ABCG1: variants seen among roughly 807,000 people sequenced by gnomAD.
ABCG1 encodes ATP-binding cassette sub-family G member 1.
In ABCG1, 29 loss-of-function variants were observed where a neutral mutation model predicts 69.2. That is an observed-to-expected ratio of 0.42 (90% CI 0.31 to 0.57). ABCG1 has a LOEUF of 0.57. Ranked by LOEUF, ABCG1 falls within the 20% of genes least tolerant of loss-of-function variation. The probability of loss-of-function intolerance (pLI) is 0.15; values close to 1 mark genes in which losing one functional copy is unlikely to be tolerated. For synonymous variants in ABCG1, 370 were observed against 374.8 expected (o/e 0.99, Z 0.15); for missense variants, 718 against 898.1 (o/e 0.80, Z 2.56).
At chr21:42,228,159 T>C (rs1318120464) in intron 2 of ABCG1, among the ~76,000 whole-genome samples, 1 of 152,158 alleles carries the variant, frequency 6.6e-6, no homozygotes, top group Non-Finnish European at 1.5e-5. Context: ...CTGTCCATTC[T>C]TAGGAGCGCA....
chr21:42,280,467 C>G (rs1019953126), intron 5 of ABCG1, among the ~76,000 whole-genome samples: 1 of 152,240 alleles, frequency 6.6e-6, no homozygotes, highest in Non-Finnish European at 1.5e-5. Flanking sequence ...CTGGAGCGCC[C>G]GCCGGGAAGC....
intron 5 of ABCG1, among the ~76,000 whole-genome samples, chr21:42,280,801 G>A (rs2068794533): frequency 6.6e-6 from 1 of 152,250 alleles, no homozygotes; most frequent in South Asian, 2.1e-4. Context: ...AGTCGGCCAA[G>A]AGCGTCGCCC....
intron 2 of ABCG1, among the ~76,000 whole-genome samples, chr21:42,270,125 T>C (rs983543594): frequency 2.6e-5 from 4 of 152,090 alleles, no homozygotes; most frequent in African/African-American, 9.7e-5. Flanking sequence ...CCAGGCATGG[T>C]GGCAGGCGCC....
At chr21:42,211,226 G>A (rs1191899192), upstream of ABCG1, among the ~76,000 whole-genome samples, 2 of 152,122 alleles carry the variant, frequency 1.3e-5, no homozygotes, top group Admixed American at 1.3e-4. Flanking sequence ...CCAAAGTGCT[G>A]GCATTACAGG....
chr21:42,290,967 A>C, intron 11 of ABCG1, 125 bp from the exon 12 acceptor site: 1 of 671,404 alleles, frequency 1.5e-6, no homozygotes, highest in Non-Finnish European at 2.6e-6. Flanking sequence ...TGTTTGTTCA[A>C]TCTCTCAGTG....
In ABCG1 at chr21:42,260,127, C is replaced by T. The variant is rs979560901; in HGVS notation, c.287-10943C>T. ...CTATGGTTGGGGGTTTCCTGGCGAT[C>T]CCATGGAGGAAGGTGAGGATGAGTT... On this transcript the variant is annotated intron_variant, in intron 2 of 14. Coordinates refer to ENST00000398449, the MANE Select transcript of ABCG1 (RefSeq NM_016818.3). The T allele has an allele frequency of 2.0e-5, 31 of 1,550,394 alleles. No individual in the cohort carries two copies. The African/African-American group carries it at 4.0e-4, about 20-fold the overall frequency.
At chr21:42,228,409 C>T (rs2067851518) in intron 2 of ABCG1, among the ~76,000 whole-genome samples, 1 of 152,184 alleles carries the variant, frequency 6.6e-6, no homozygotes, top group African/African-American at 2.4e-5. Flanking sequence ...ACAGCAGCAC[C>T]TGCGTCTGTC....
chr21:42,227,952 T>C (rs2067843448), intron 2 of ABCG1, among the ~76,000 whole-genome samples: 1 of 152,112 alleles, frequency 6.6e-6, no homozygotes, highest in Non-Finnish European at 1.5e-5. Context: ...CAGGATCCAA[T>C]CACACCTCTC....
intron 2 of ABCG1, among the ~76,000 whole-genome samples, chr21:42,252,567 G>T (rs2068239814): frequency 6.6e-6 from 1 of 152,032 alleles, no homozygotes; most frequent in African/African-American, 2.4e-5. Flanking sequence ...TGCTTTGGAT[G>T]GTCTCTGGTT....
chr21:42,219,903 G>C lies in ABCG1; in HGVS notation c.42+599G>C. 1 of 1,548,046 alleles carries C rather than the reference G, an allele frequency of 6.5e-7. No individual in the cohort carries two copies. Among genetic ancestry groups the C allele is most frequent in the Non-Finnish European group, 8.7e-7 (1 of 1,146,170 alleles). ...GCGAAGGCCCGGGGAGACCCGCGAG[G>C]GGCAAGCCCGGATTCCTGCCGGCCG... On this transcript the variant is annotated intron_variant, in intron 1 of 14. Transcript: ENST00000398449. The surrounding 1 kb of genome is among the most constrained non-coding windows in gnomAD (Gnocchi z 5.3).
upstream of ABCG1, among the ~76,000 whole-genome samples, chr21:42,217,060 A>G (rs1431595795): frequency 6.6e-6 from 1 of 152,014 alleles, no homozygotes. Flanking sequence ...TCCACACACC[A>G]TCCCCCTGGC....
At chr21:42,217,167 A>G (rs950359645), upstream of ABCG1, among the ~76,000 whole-genome samples, 6 of 152,128 alleles carry the variant, frequency 3.9e-5, no homozygotes, top group Admixed American at 3.3e-4. Context: ...GCTGAAGCCA[A>G]TTGCCTATTC....
intron 2 of ABCG1, among the ~76,000 whole-genome samples, chr21:42,267,143 T>C (rs116108324): frequency 1.4e-3 from 212 of 152,300 alleles, no homozygotes; most frequent in African/African-American, 4.6e-3. Context: ...TGATTAAAGA[T>C]AAATGGGGAG....
chr21:42,266,959 A>G (rs1372245492), intron 2 of ABCG1, among the ~76,000 whole-genome samples: 3 of 152,112 alleles, frequency 2.0e-5, no homozygotes, highest in Non-Finnish European at 4.4e-5. Context: ...TCCATTTCCC[A>G]GAGGAGTCTG....
intron 5 of ABCG1, among the ~76,000 whole-genome samples, chr21:42,277,363 A>T (rs1229553367): frequency 6.6e-6 from 1 of 152,232 alleles, no homozygotes; most frequent in Non-Finnish European, 1.5e-5. Flanking sequence ...CCATCCACCT[A>T]CACTTGCAAG....
At chr21:42,212,349 T>C (rs1028318565), upstream of ABCG1, among the ~76,000 whole-genome samples, 5 of 151,802 alleles carry the variant, frequency 3.3e-5, no homozygotes, top group African/African-American at 1.2e-4. Flanking sequence ...AGAGTGGACA[T>C]AAAGGGTGAT....
intron 2 of ABCG1, among the ~76,000 whole-genome samples, chr21:42,207,566 T>C (rs891716867): frequency 2.0e-5 from 3 of 152,274 alleles, no homozygotes; most frequent in Non-Finnish European, 4.4e-5. Context: ...CCTCTTTGCA[T>C]TGGCATGCAT....
At chr21:42,256,077 G>T in intron 2 of ABCG1, 1 of 1,163,222 alleles carries the variant, frequency 8.6e-7, no homozygotes, top group Non-Finnish European at 1.1e-6. Context: ...ATCCAGGTGT[G>T]CACCCTTTCT....
At chr21:42,214,780 C>T (rs2123479439), upstream of ABCG1, among the ~76,000 whole-genome samples, 1 of 152,340 alleles carries the variant, frequency 6.6e-6, no homozygotes, top group South Asian at 2.1e-4. Flanking sequence ...AGCAGACAAA[C>T]ATCTCTCTGC....
Sources: allele counts gnomAD v4.1 joint callset (sites outside exome capture counted in the v4.1 genomes callset), GRCh38; gene constraint gnomAD v4.1.1; non-coding constraint Gnocchi (gnomAD v3.1); transcripts MANE v1.5; gene names NCBI Gene and HGNC (gene_info 2026-07-23, HGNC 2026-07-21).